NECTIN1: variants seen among roughly 807,000 people sequenced by gnomAD.
The protein encoded by NECTIN1 is nectin cell adhesion molecule 1.
Under a neutral mutation model 48.0 loss-of-function variants are expected in NECTIN1, and 23 were observed. The observed-to-expected ratio is 0.48, with a 90% CI of 0.34 to 0.68. The LOEUF is 0.68. Ranked by LOEUF, NECTIN1 falls within the 30% of genes least tolerant of loss-of-function variation. The pLI is 0.01. For synonymous variants in NECTIN1, 270 were observed against 288.9 expected (o/e 0.93, Z 0.66); for missense variants, 591 against 709.9 (o/e 0.83, Z 1.90).
Position 119,727,736 on chromosome 11 carries a change from G to A in NECTIN1, c.79+739C>T, listed in dbSNP as rs544900288. 1.3e-5 allele frequency among the ~76,000 whole-genome samples: 2 copies of A among 152,330 alleles called. No homozygotes were observed. The highest frequency in any genetic ancestry group is 2.1e-4 in the South Asian group (1 of 4,828). On this transcript the variant is annotated intron_variant, in intron 1 of 5. Transcript: ENST00000264025. The surrounding 1 kb of genome is among the most constrained non-coding windows in gnomAD (Gnocchi z 4.1). ...GCCCGCACCTCGAGGAAGGACACGC[G>A]GGGCACCCTCGGGAAAGTGGGTCAT...
At chr11:119,681,489 C>T (rs1268338708) in intron 1 of NECTIN1, among the ~76,000 whole-genome samples, 2 of 152,164 alleles carry the variant, frequency 1.3e-5, no homozygotes, top group African/African-American at 4.8e-5. Context: ...GGGCACAGTC[C>T]CTGGGGCACA....
At chr11:119,699,416 T>C (rs941703158) in intron 1 of NECTIN1, among the ~76,000 whole-genome samples, 1 of 152,160 alleles carries the variant, frequency 6.6e-6, no homozygotes, top group African/African-American at 2.4e-5. Context: ...TCCCTCTCTC[T>C]GCGTCCTTCT....
chr11:119,702,457 T>A (rs1327830021), intron 1 of NECTIN1, among the ~76,000 whole-genome samples: 1 of 152,266 alleles, frequency 6.6e-6, no homozygotes, highest in Non-Finnish European at 1.5e-5. Context: ...TGAGGCCATC[T>A]GTGTACTGCT....
rs999493951 is a variant in NECTIN1, at chr11:119,663,156, G to C, written c.*1591C>G. 1 of 985,388 alleles carries C rather than the reference G, an allele frequency of 1.0e-6. No individual in the cohort carries two copies. Among genetic ancestry groups the C allele is most frequent in the Non-Finnish European group, 1.2e-6 (1 of 829,974 alleles). The allele number at this position is 985,388 out of a possible 1,614,324, so 61.0% of individuals were successfully genotyped here. A position where few individuals can be genotyped will look rare whatever the true frequency, so the allele number is the denominator to read the frequency against. ...CAGAGCCCCTGACACCCTGGGGTGA[G>C]TTAACTGGAATCCCAGTGGGCAGGC... is the stretch of plus-strand genomic sequence containing the variant. On this transcript the variant is annotated 3_prime_UTR_variant, in exon 6 of 6. Transcript: ENST00000264025.
At chr11:119,655,978 G>A (rs941782610) in intron 5 of NECTIN1, among the ~76,000 whole-genome samples, 5 of 152,154 alleles carry the variant, frequency 3.3e-5, no homozygotes, top group Non-Finnish European at 7.4e-5. Flanking sequence ...ACTCACTGCA[G>A]CCTCCAACTC....
At position 119,714,665 on chromosome 11, in the gene NECTIN1, C is replaced by T. The variant is rs932229247; in HGVS notation, c.79+13810G>A. Reference sequence around the variant, plus strand: ...TCCCTCTCCCTGTCCCCTCTCTCCCCATCGCCAACTTAATTCCTTAATTCC... The same window carrying T: ...TCCCTCTCCCTGTCCCCTCTCTCCCTATCGCCAACTTAATTCCTTAATTCC... On this transcript the variant is annotated intron_variant, in intron 1 of 5. Coordinates refer to ENST00000264025, the MANE Select transcript of NECTIN1 (RefSeq NM_002855.5). Among the ~76,000 whole-genome samples the T allele has an allele frequency of 3.3e-5, 5 of 152,258 alleles. No homozygotes were observed. The South Asian group carries it at 1.0e-3, about 32-fold the overall frequency.
At chr11:119,648,331 A>G (rs992538295) in intron 5 of NECTIN1, among the ~76,000 whole-genome samples, 485 of 2,938 alleles carry the variant, frequency 0.17, 19 homozygotes, top group Middle Eastern at 0.4. Context: ...GATGGTGGTG[A>G]TGGTGGTGGT....
chr11:119,639,920 CAG>C lies in NECTIN1; in HGVS notation c.1094_1095del (p.Thr365SerfsTer41). On this transcript the variant is annotated frameshift_variant, in exon 6 of 8. Transcript: ENST00000341398. LOFTEE classifies it high-confidence loss of function. ...TGCTGCCGGTTGTACAGGAAGAAGA[CAG>C]TGAGCACAGCAACTAGGATGAGGAA... 6.2e-7 allele frequency: 1 copy of C among 1,614,216 alleles called. No homozygotes were observed. The highest frequency in any genetic ancestry group is 8.5e-7 in the Non-Finnish European group (1 of 1,180,040).
Position 119,665,272 on chromosome 11 carries a change from G to A in NECTIN1, c.1029C>T (p.Pro343=), listed in dbSNP as rs761507437. ...ITEFPYTPSP[P]EHGRRAGPVP... ...CCGGCCCGGCGCGCCGCCCATGTTCGGGAGGAGACGGGGTGTAGGGGAATT... is the reference window on the plus strand; with the variant it reads ...CCGGCCCGGCGCGCCGCCCATGTTCAGGAGGAGACGGGGTGTAGGGGAATT... Residue 343 remains proline, a synonymous_variant, in exon 6 of 6, where the codon CCC becomes CCT. Transcript: ENST00000264025. The surrounding 1 kb of genome is among the most constrained non-coding windows in gnomAD (Gnocchi z 5.1). 3.8e-6 allele frequency: 6 copies of A among 1,594,442 alleles called. No individual in the cohort carries two copies. Among genetic ancestry groups the A allele is most frequent in the Admixed American group, 1.7e-5 (1 of 59,716 alleles).
intron 5 of NECTIN1, among the ~76,000 whole-genome samples, chr11:119,648,313 GTGATGGTGA>G (rs1565376572): frequency 2.3e-4 from 8 of 34,450 alleles, no homozygotes; most frequent in East Asian, 1.3e-3. Context: ...GGTGATGGTG[GTGATGGTGA>G]TGGTGGTGAT....
rs66955603 is a variant in NECTIN1, at chr11:119,683,573, GGTGTGTGTGTGTGTGTGTGT to G, written c.80-4828_80-4809del. 1.6e-4 allele frequency among the ~76,000 whole-genome samples: 23 copies of G among 143,676 alleles called. No individual in the cohort carries two copies. In the South Asian group the frequency reaches 5.3e-3, roughly 33 times the overall value. The allele number at this position is 143,676 out of a possible 152,430, so 94.3% of individuals were successfully genotyped here. On this transcript the variant is annotated intron_variant, in intron 1 of 5. Transcript: ENST00000264025. This position sits in a 1 kb window ranked among gnomAD's most constrained non-coding sequence, Gnocchi z 4.0. ...AGAAACAGGGGCTTTGGGGATCCCGGGTGTGTGTGTGTGTGTGTGTGTGTGTGTGTGTGTGTGGGCACTTG... is the reference window on the plus strand; with the variant it reads ...AGAAACAGGGGCTTTGGGGATCCCGGGTGTGTGTGTGTGTGTGGGCACTTG...
intron 6 of NECTIN1, chr11:119,639,403 T>A (rs4245198): frequency 0.81 from 155,171 of 190,892 alleles, 66,329 homozygotes; most frequent in South Asian, 0.97. Flanking sequence ...TTGATTTTTT[T>A]AAAATATCAC....
intron 1 of NECTIN1, among the ~76,000 whole-genome samples, chr11:119,722,951 C>T (rs893085152): frequency 1.3e-5 from 2 of 152,212 alleles, no homozygotes; most frequent in Non-Finnish European, 2.9e-5. Context: ...TTAACAAAAA[C>T]CTATTTTAAA....
In NECTIN1 at chr11:119,673,680, T is replaced by C. The variant is rs958013816; in HGVS notation, c.1003+1479A>G. ...AGTGCCTCCCTGAGGGGTGGTCATGTTCCCTATGGCCACTCCACATGGAAC... is the reference window on the plus strand; with the variant it reads ...AGTGCCTCCCTGAGGGGTGGTCATGCTCCCTATGGCCACTCCACATGGAAC... On this transcript the variant is annotated intron_variant, in intron 5 of 5. Transcript: ENST00000264025. This position sits in a 1 kb window ranked among gnomAD's most constrained non-coding sequence, Gnocchi z 5.8. Among the ~76,000 whole-genome samples the C allele has an allele frequency of 1.3e-5, 2 of 152,146 alleles. No homozygotes were observed. Among genetic ancestry groups the C allele is most frequent in the African/African-American group, 4.8e-5 (2 of 41,442 alleles).
intron 1 of NECTIN1, among the ~76,000 whole-genome samples, chr11:119,708,662 G>A (rs1196877349): frequency 3.3e-5 from 5 of 152,088 alleles, no homozygotes; most frequent in Non-Finnish European, 4.4e-5. Context: ...GGTTCTTTCC[G>A]AGGTGATGAA....
At chr11:119,656,869 A>G (rs1258284428), downstream of NECTIN1, among the ~76,000 whole-genome samples, 1 of 152,218 alleles carries the variant, frequency 6.6e-6, no homozygotes, top group Admixed American at 6.5e-5. Flanking sequence ...TGACAGCAAC[A>G]TGGAGCCAGG....
At position 119,644,269 on chromosome 11, in the gene NECTIN1, G is replaced by A. The variant is rs560445098; in HGVS notation, c.1004-4257C>T. Among the ~76,000 whole-genome samples the A allele has an allele frequency of 5.9e-5, 9 of 152,314 alleles. No homozygotes were observed. The East Asian group carries it at 1.5e-3, about 26-fold the overall frequency. On this transcript the variant is annotated intron_variant, in intron 5 of 7. Coordinates refer to the NECTIN1 transcript ENST00000341398. ...GGGTTCATTCTGGGGGCTGCAGGCC[G>A]CGTGCTACTGGGGCTTCTCTGCTCT... is the stretch of plus-strand genomic sequence containing the variant.
chr11:119,694,237 C>T (rs181834776), intron 1 of NECTIN1, among the ~76,000 whole-genome samples: 127 of 152,120 alleles, frequency 8.3e-4, no homozygotes, highest in Admixed American at 1.6e-3. Flanking sequence ...CTGGCAGGGT[C>T]GGACCCAGGG....
rs1303986639 is a variant in NECTIN1, at chr11:119,673,887, C to A, written c.1003+1272G>T. Among the ~76,000 whole-genome samples, 2 of 152,228 alleles carry A rather than the reference C, an allele frequency of 1.3e-5. No homozygotes were observed. The highest frequency in any genetic ancestry group is 6.5e-5 in the Admixed American group (1 of 15,284). The stretch of plus-strand genomic sequence containing the variant: ...CCCCCAGCTTTCCCCAGGCTCCAAC[C>A]CTGATGCTCCTCCTCCTATGACTAG... On this transcript the variant is annotated intron_variant, in intron 5 of 5. Coordinates refer to ENST00000264025, the MANE Select transcript of NECTIN1 (RefSeq NM_002855.5). The surrounding 1 kb of genome is among the most constrained non-coding windows in gnomAD (Gnocchi z 5.8).
Sources: gnomAD v4.1 joint callset for allele counts (sites outside exome capture counted in the v4.1 genomes callset) on GRCh38, gnomAD v4.1.1 for gene constraint, Gnocchi (gnomAD v3.1) non-coding constraint, MANE v1.5 for transcripts, NCBI Gene and HGNC (gene_info 2026-07-23, HGNC 2026-07-21) for gene names.